The following FABP6 variants were observed in gnomAD, a reference collection of about 807,000 sequenced individuals.
The protein encoded by FABP6 is gastrotropin.
A neutral mutation model predicts 14.9 loss-of-function variants in FABP6; 13 were observed. That is an observed-to-expected ratio of 0.87 (90% CI 0.57 to 1.39). The LOEUF (loss-of-function observed/expected upper bound fraction) is 1.39, where lower values mean the gene tolerates loss of function less well. FABP6 is among the 40% of genes most tolerant of loss of function. The pLI is 0.00. For missense variants in FABP6, 161 were observed against 167.2 expected, an observed-to-expected ratio of 0.96 and a Z score of 0.20; for synonymous variants, 75 against 63.6, an observed-to-expected ratio of 1.18 and a Z score of -0.85.
At chr5:160,214,065 C>T (rs1009362134) in intron 3 of FABP6, among the ~76,000 whole-genome samples, 1 of 152,096 alleles carries the variant, frequency 6.6e-6, no homozygotes, top group South Asian at 2.1e-4. Context: ...CCTAAGCTAG[C>T]TCAAGTAGGT....
upstream of FABP6, among the ~76,000 whole-genome samples, chr5:160,225,098 T>C (rs903975240): frequency 6.6e-6 from 1 of 151,610 alleles, no homozygotes; most frequent in Non-Finnish European, 1.5e-5. Context: ...TAGCAGTTTT[T>C]TTTTTTTGTT....
At chr5:160,208,497 A>T (rs1759816329) in intron 2 of FABP6, among the ~76,000 whole-genome samples, 1 of 152,198 alleles carries the variant, frequency 6.6e-6, no homozygotes, top group Non-Finnish European at 1.5e-5. Context: ...TGTCCCCTTC[A>T]ATCTCATGTT....
At chr5:160,217,780 A>G (rs148917163) in intron 3 of FABP6, among the ~76,000 whole-genome samples, 2,794 of 152,082 alleles carry the variant, frequency 0.018, 76 homozygotes, top group African/African-American at 0.062. Context: ...GGGACTACAG[A>G]CACATGCCAC....
Position 160,201,345 on chromosome 5 carries a change from G to A in FABP6, c.51+2188G>A, listed in dbSNP as rs555938134. ...TGCACTCCAGCCTGGGCAACAAAGC[G>A]AGACCCTGTCTCAAATAAAACAAAA... On this transcript the variant is annotated intron_variant, in intron 2 of 6. Coordinates refer to the FABP6 transcript ENST00000393980. Among the ~76,000 whole-genome samples the A allele has an allele frequency of 2.7e-5, 4 of 145,760 alleles. No homozygotes were observed. The East Asian group carries it at 9.2e-4, about 34-fold the overall frequency.
rs567986130 is a variant in FABP6, at chr5:160,230,245, A to G, written c.67+621A>G. ...TTAGTATTTCCACTTTACTGATGGA[A>G]AACTTGAGGCCCAGGGAATTAACTA... On this transcript the variant is annotated intron_variant, in intron 1 of 3. Transcript: ENST00000402432. Among the ~76,000 whole-genome samples the G allele has an allele frequency of 3.3e-5, 5 of 152,294 alleles. No individual in the cohort carries two copies. In the South Asian group the frequency reaches 1.0e-3, roughly 32 times the overall value.
intron 2 of FABP6, chr5:160,213,730 A>G (rs771093005): frequency 6.2e-7 from 1 of 1,613,598 alleles, no homozygotes; most frequent in Non-Finnish European, 8.5e-7. Context: ...TTCTCTTCTG[A>G]CTCAGGTTCT....
chr5:160,194,535 G>A (rs931075502), intron 1 of FABP6, among the ~76,000 whole-genome samples: 1 of 151,718 alleles, frequency 6.6e-6, no homozygotes, highest in Non-Finnish European at 1.5e-5. Context: ...AGCAAGACCC[G>A]GTCTCAAAAA....
intron 2 of FABP6, chr5:160,199,241 G>C (rs1759578413): frequency 7.1e-7 from 1 of 1,408,308 alleles, no homozygotes; most frequent in Admixed American, 1.7e-5. Flanking sequence ...CCTTGGGTGG[G>C]GGACTTGCTC....
chr5:160,188,860 A>C (rs1561736879), intron 1 of FABP6, among the ~76,000 whole-genome samples: 1 of 150,752 alleles, frequency 6.6e-6, no homozygotes. Flanking sequence ...TCCCTCCCCC[A>C]TCCCCTTGGG....
intron 1 of FABP6, among the ~76,000 whole-genome samples, chr5:160,193,623 C>T (rs1373936111): frequency 6.6e-6 from 1 of 152,046 alleles, no homozygotes; most frequent in African/African-American, 2.4e-5. Flanking sequence ...ACAGAGTATC[C>T]ACACAAAGGT....
chr5:160,188,786 G>A (rs1759341603), intron 1 of FABP6, among the ~76,000 whole-genome samples: 1 of 152,148 alleles, frequency 6.6e-6, no homozygotes, highest in South Asian at 2.1e-4. Flanking sequence ...ACTCATTTCT[G>A]CAAGGCCCCT....
intron 2 of FABP6, among the ~76,000 whole-genome samples, chr5:160,202,521 G>A (rs1759663568): frequency 6.6e-6 from 1 of 152,168 alleles, no homozygotes; most frequent in South Asian, 2.1e-4. Context: ...GCTTGGCCGG[G>A]CGTGGTGGCT....
chr5:160,230,707 T>A (rs982935339), intron 1 of FABP6, among the ~76,000 whole-genome samples: 1 of 152,098 alleles, frequency 6.6e-6, no homozygotes, highest in Non-Finnish European at 1.5e-5. Context: ...GCTATCTCAG[T>A]GTTACCAATG....
At chr5:160,234,049 G>A (rs1036741473) in intron 2 of FABP6, among the ~76,000 whole-genome samples, 10 of 152,074 alleles carry the variant, frequency 6.6e-5, no homozygotes, top group African/African-American at 2.4e-4. Context: ...AAGGAGTCAG[G>A]TTGGCGGCAG....
chr5:160,218,928 G>GT (rs1022518423), intron 3 of FABP6, among the ~76,000 whole-genome samples: 12 of 152,094 alleles, frequency 7.9e-5, no homozygotes, highest in African/African-American at 2.7e-4. Context: ...CTAGCTAATT[G>GT]TTTTTTAATT....
At position 160,234,800 on chromosome 5, in the gene FABP6, ATGT is replaced by A. The variant is rs1760470834; in HGVS notation, c.244-16_244-14del. 10 of 1,588,750 alleles carry A rather than the reference ATGT, an allele frequency of 6.3e-6. No homozygotes were observed. Among genetic ancestry groups the A allele is most frequent in the Non-Finnish European group, 8.6e-6 (10 of 1,165,656 alleles). ...AATCACCTGCAACAACCCAGGCTTAATGTTGTGCTTCCATTCCAGGCCACTGTG... is the reference window on the plus strand; with the variant it reads ...AATCACCTGCAACAACCCAGGCTTAATGTGCTTCCATTCCAGGCCACTGTG... On this transcript the variant is annotated splice_polypyrimidine_tract_variant and intron_variant, in intron 2 of 3. Transcript: ENST00000402432.
chr5:160,209,810 C>G (rs1413360157), intron 2 of FABP6, among the ~76,000 whole-genome samples: 2 of 152,202 alleles, frequency 1.3e-5, no homozygotes, highest in Admixed American at 6.5e-5. Flanking sequence ...CTTGGCCTCT[C>G]AAAGTGCTGG....
At chr5:160,216,051 T>C (rs1580912377) in intron 3 of FABP6, among the ~76,000 whole-genome samples, 1 of 151,668 alleles carries the variant, frequency 6.6e-6, no homozygotes, top group South Asian at 2.1e-4. Context: ...CCTGGCAGAG[T>C]AGGGATACAT....
chr5:160,229,738 C>CTCAT (rs912975458), intron 1 of FABP6, 114 bp downstream of exon 1: 6 of 864,230 alleles, frequency 6.9e-6, no homozygotes, highest in Admixed American at 4.2e-5. Flanking sequence ...CACTCACTCA[C>CTCAT]TCATTCATTC....
Sources: gnomAD v4.1 joint callset for allele counts (sites outside exome capture counted in the v4.1 genomes callset) on GRCh38, gnomAD v4.1.1 for gene constraint, MANE v1.5 for transcripts, NCBI Gene and HGNC (gene_info 2026-07-23, HGNC 2026-07-21) for gene names.